NGF: variants seen among roughly 807,000 people sequenced by gnomAD.
The protein encoded by NGF is nerve growth factor, also known as beta-nerve growth factor.
NGF carries 4 observed loss-of-function variants against 12.8 expected under a neutral mutation model. The observed-to-expected ratio is 0.31, with a 90% CI of 0.15 to 0.72. The LOEUF is 0.72. NGF is among the 30% of genes least tolerant of loss of function. The pLI, the probability that NGF is intolerant of heterozygous loss-of-function variation, is 0.69. For synonymous variants in NGF, 140 were observed against 130.0 expected, an observed-to-expected ratio of 1.08 and a Z score of -0.52; for missense variants, 283 against 330.8, an observed-to-expected ratio of 0.86 and a Z score of 1.12.
chr1:115,335,672 A>G (rs1228049137), intron 1 of NGF, among the ~76,000 whole-genome samples: 1 of 152,234 alleles, frequency 6.6e-6, no homozygotes, highest in Non-Finnish European at 1.5e-5. Context: ...CTAGACTCTG[A>G]AGTCAGTGAA....
chr1:115,337,399 T>G (rs1655159266), intron 1 of NGF, among the ~76,000 whole-genome samples: 1 of 147,216 alleles, frequency 6.8e-6, no homozygotes, highest in South Asian at 2.3e-4. Flanking sequence ...CTCCCTCCCC[T>G]AGATCCTCCT....
chr1:115,288,369 C>T (rs182750110), intron 2 of NGF, among the ~76,000 whole-genome samples: 8 of 152,198 alleles, frequency 5.3e-5, no homozygotes, highest in African/African-American at 1.4e-4. Context: ...TCCCATTGAT[C>T]GGAGGTGGGC....
intron 1 of NGF, among the ~76,000 whole-genome samples, chr1:115,314,969 C>T (rs1446379499): frequency 6.6e-6 from 1 of 152,136 alleles, no homozygotes; most frequent in African/African-American, 2.4e-5. Context: ...TACAAAGAGA[C>T]CTGAATGAAG....
intron 1 of NGF, among the ~76,000 whole-genome samples, chr1:115,328,826 T>G (rs1654838478): frequency 6.6e-6 from 1 of 152,148 alleles, no homozygotes. Context: ...CTTGGACAAT[T>G]ACTGTTATGG....
intron 1 of NGF, among the ~76,000 whole-genome samples, chr1:115,302,240 T>C (rs1358084740): frequency 6.6e-6 from 1 of 152,240 alleles, no homozygotes; most frequent in Non-Finnish European, 1.5e-5. Context: ...AGTGTTTTAT[T>C]TAAGAAGGAG....
At chr1:115,325,156 A>G (rs1319995511) in intron 1 of NGF, among the ~76,000 whole-genome samples, 7 of 151,982 alleles carry the variant, frequency 4.6e-5, no homozygotes, top group African/African-American at 1.7e-4. Context: ...TGTGGGTAGG[A>G]GTGTCCCAAA....
chr1:115,323,967 C>T (rs1282499775), intron 1 of NGF, among the ~76,000 whole-genome samples: 2 of 152,186 alleles, frequency 1.3e-5, no homozygotes, highest in East Asian at 1.9e-4. Flanking sequence ...GTGTGATCTG[C>T]AAACCCCAGA....
At chr1:115,331,321 T>C (rs2101055686) in intron 1 of NGF, among the ~76,000 whole-genome samples, 1 of 152,310 alleles carries the variant, frequency 6.6e-6, no homozygotes, top group Non-Finnish European at 1.5e-5. Flanking sequence ...CAGTTCTATC[T>C]GTGTGCCAGG....
At chr1:115,337,256 G>GTTTTTTT (rs1364127314) in intron 1 of NGF, among the ~76,000 whole-genome samples, 5 of 27,200 alleles carry the variant, frequency 1.8e-4, no homozygotes, top group African/African-American at 8.4e-4. Context: ...AATTTTTTTT[G>GTTTTTTT]TTTTGTTTTT....
chr1:115,311,158 TACTA>T (rs1226444996), intron 1 of NGF, among the ~76,000 whole-genome samples: 1 of 152,210 alleles, frequency 6.6e-6, no homozygotes, highest in African/African-American at 2.4e-5. Context: ...TCTGGGAACA[TACTA>T]ACTGATAATC....
intron 1 of NGF, among the ~76,000 whole-genome samples, chr1:115,329,613 T>C (rs1372264590): frequency 6.6e-6 from 1 of 152,224 alleles, no homozygotes; most frequent in East Asian, 1.9e-4. Flanking sequence ...CATAAAAATT[T>C]TCCCTTGCTA....
chr1:115,293,778 C>G (rs1237249112), intron 1 of NGF, 28 bp from the exon 2 acceptor site: 2 of 152,758 alleles, frequency 1.3e-5, no homozygotes, highest in African/African-American at 4.8e-5. Context: ...TGGCATTAGA[C>G]TGTACCTCAC....
At chr1:115,302,564 G>C (rs573967586) in intron 1 of NGF, among the ~76,000 whole-genome samples, 2 of 152,210 alleles carry the variant, frequency 1.3e-5, no homozygotes, top group Non-Finnish European at 2.9e-5. Flanking sequence ...GAGACTGCAC[G>C]GTGATAATGG....
chr1:115,323,170 G>A (rs557785067), intron 1 of NGF, among the ~76,000 whole-genome samples: 17 of 152,286 alleles, frequency 1.1e-4, no homozygotes, highest in African/African-American at 3.6e-4. Flanking sequence ...CATTGTTGCT[G>A]AGTGGCATTT....
chr1:115,302,425 G>A (rs6686615), intron 1 of NGF, among the ~76,000 whole-genome samples: 55,940 of 151,966 alleles, frequency 0.37, 11,146 homozygotes, highest in Non-Finnish European at 0.45. Flanking sequence ...AGAAGGCTAT[G>A]CTCCAGCCCA....
Position 115,292,153 on chromosome 1 carries a change from T to A in NGF, c.-13+1474A>T, listed in dbSNP as rs538717143. ...GAATACTCTTGGGGGTTGGAGCTGG[T>A]GTGGAGTGTGGGAGGAATTCTGTGG... On this transcript the variant is annotated intron_variant, in intron 2 of 2. Coordinates refer to ENST00000369512, the MANE Select transcript of NGF (RefSeq NM_002506.3). 8.5e-5 allele frequency among the ~76,000 whole-genome samples: 13 copies of A among 152,296 alleles called. No individual in the cohort carries two copies. The South Asian group carries it at 2.5e-3, about 29-fold the overall frequency.
At chr1:115,334,133 C>T (rs916701531) in intron 1 of NGF, among the ~76,000 whole-genome samples, 3 of 152,104 alleles carry the variant, frequency 2.0e-5, no homozygotes, top group Admixed American at 6.5e-5. Context: ...GTGTTGCTAG[C>T]CTACTTTTTT....
intron 1 of NGF, among the ~76,000 whole-genome samples, chr1:115,337,261 G>T (rs148726630): frequency 0.042 from 489 of 11,696 alleles, 37 homozygotes; most frequent in African/African-American, 0.089. Context: ...TTTTTGTTTT[G>T]TTTTTGTTTT....
chr1:115,332,230 A>G (rs1172522754), intron 1 of NGF, among the ~76,000 whole-genome samples: 3 of 152,254 alleles, frequency 2.0e-5, no homozygotes, highest in Non-Finnish European at 2.9e-5. Flanking sequence ...CATTTCTGAA[A>G]TAAGAGTCTG....
Sources: gnomAD v4.1 joint callset for allele counts (sites outside exome capture counted in the v4.1 genomes callset) on GRCh38, gnomAD v4.1.1 for gene constraint, MANE v1.5 for transcripts, NCBI Gene and HGNC (gene_info 2026-07-23, HGNC 2026-07-21) for gene names.